Variants in DUSP14 observed in about 807,000 individuals in gnomAD.
The protein encoded by DUSP14 is dual specificity phosphatase 14, also known as dual specificity protein phosphatase 14.
A neutral mutation model predicts 13.2 loss-of-function variants in DUSP14; 5 were observed. That is an observed-to-expected ratio of 0.38 (90% CI 0.20 to 0.80). DUSP14 has a LOEUF of 0.80. DUSP14 is among the 30% of genes least tolerant of loss of function. The pLI, the probability that DUSP14 is intolerant of heterozygous loss-of-function variation, is 0.44. For missense variants in DUSP14, 185 were observed against 264.0 expected (o/e 0.70, Z 2.07); for synonymous variants, 91 against 103.4 (o/e 0.88, Z 0.73).
At chr17:37,508,349 G>A (rs757649260) in intron 1 of DUSP14, among the ~76,000 whole-genome samples, 3 of 152,232 alleles carry the variant, frequency 2.0e-5, no homozygotes, top group Non-Finnish European at 4.4e-5. Context: ...TCAGAAGCTG[G>A]GGAAAGGTCC....
chr17:37,510,237 AC>A (rs1322023651), intron 1 of DUSP14: 1 of 151,982 alleles, frequency 6.6e-6, no homozygotes, highest in Middle Eastern at 3.2e-3. Context: ...TGCTTGGCTC[AC>A]CCTTGCTGCA....
rs1194285065 is a variant in DUSP14, at chr17:37,512,328, T to C, written c.56T>C (p.Ile19Thr). 1.2e-6 allele frequency: 2 copies of C among 1,613,934 alleles called. No homozygotes were observed. The highest frequency in any genetic ancestry group is 1.7e-6 in the Non-Finnish European group (2 of 1,179,928). ...LPRTLMAPRM[I>T]SEGDIGGIAQ... ...AGGACTCTCATGGCCCCTCGGATGA[T>C]TTCCGAGGGAGACATAGGAGGCATT... The change falls in exon 3 of 3, where the codon ATT becomes ACT. Residue 19 changes from isoleucine (I) to threonine (T), a missense_variant. Ile to Thr is a moderately conservative substitution (Grantham distance 89). Coordinates refer to ENST00000617516, the MANE Select transcript of DUSP14 (RefSeq NM_007026.4). This position sits in a 1 kb window ranked among gnomAD's most constrained non-coding sequence, Gnocchi z 4.8.
At chr17:37,499,631 G>A (rs2054092408) in intron 1 of DUSP14, among the ~76,000 whole-genome samples, 2 of 152,126 alleles carry the variant, frequency 1.3e-5, no homozygotes, top group Admixed American at 1.3e-4. Context: ...CCGGGTTCAA[G>A]CGATTCTCCT....
intron 2 of DUSP14, among the ~76,000 whole-genome samples, chr17:37,511,116 A>G (rs2054181890): frequency 6.6e-6 from 1 of 152,200 alleles, no homozygotes; most frequent in Non-Finnish European, 1.5e-5. Context: ...GGAGCTCAGA[A>G]TTAAGGTGAA....
At position 37,512,366 on chromosome 17, in the gene DUSP14, T is replaced by A. The variant is rs2054195234; in HGVS notation, c.94T>A (p.Ser32Thr). The change falls in exon 3 of 3, where the codon TCC (serine) becomes ACC (threonine). Residue 32 changes from serine to threonine, a missense_variant. Physicochemically the swap from Ser to Thr is moderately conservative, Grantham distance 58 (BLOSUM62 1). Transcript: ENST00000617516. This position sits in a 1 kb window ranked among gnomAD's most constrained non-coding sequence, Gnocchi z 4.8. ...GDIGGIAQIT[S>T]SLFLGRGSVA... ...CATAGGAGGCATTGCTCAAATCACC[T>A]CCTCTCTATTCCTGGGCAGAGGCAG... The A allele has an allele frequency of 6.2e-7, 1 of 1,614,060 alleles. No homozygotes were observed. The highest frequency in any genetic ancestry group is 8.5e-7 in the Non-Finnish European group (1 of 1,179,988).
At chr17:37,491,318 ATTCACATCAGGGACAC>A (rs1234177546) in intron 1 of DUSP14, 3 of 152,248 alleles carry the variant, frequency 2.0e-5, no homozygotes, top group Admixed American at 1.3e-4. Context: ...ACGCCTGAGA[ATTCACATCAGGGACAC>A]TTCACATCAG....
Position 37,512,724 on chromosome 17 carries a change from A to T in DUSP14, c.452A>T (p.Asn151Ile). The T allele has an allele frequency of 6.2e-7, 1 of 1,614,064 alleles. No individual in the cohort carries two copies. The highest frequency in any genetic ancestry group is 8.5e-7 in the Non-Finnish European group (1 of 1,180,034). ...GCCCGGCGACCTGTCATCAGGCCCA[A>T]CGTAGGCTTCTGGAGGCAACTGATA... Reference protein sequence around the residue: ...VKARRPVIRPNVGFWRQLIDY... With the variant: ...VKARRPVIRPIVGFWRQLIDY... The change falls in exon 3 of 3, where the codon AAC (asparagine) becomes ATC (isoleucine). Residue 151 changes from asparagine to isoleucine, a missense_variant. Transcript: ENST00000617516. This position sits in a 1 kb window ranked among gnomAD's most constrained non-coding sequence, Gnocchi z 4.8.
At position 37,512,335 on chromosome 17, in the gene DUSP14, G is replaced by A; in HGVS notation, c.63G>A (p.Glu21=). The stretch of plus-strand genomic sequence containing the variant: ...TCATGGCCCCTCGGATGATTTCCGA[G>A]GGAGACATAGGAGGCATTGCTCAAA... The part of the protein sequence containing the change: ...RTLMAPRMIS[E]GDIGGIAQIT... The change falls in exon 3 of 3, where the codon GAG becomes GAA. Residue 21 remains glutamate (E), a synonymous_variant. Transcript: ENST00000617516. This position sits in a 1 kb window ranked among gnomAD's most constrained non-coding sequence, Gnocchi z 4.8. 1 of 1,614,018 alleles carries A rather than the reference G, an allele frequency of 6.2e-7. No individual in the cohort carries two copies. The highest frequency in any genetic ancestry group is 8.5e-7 in the Non-Finnish European group (1 of 1,179,970).
At chr17:37,505,616 T>C (rs2054132575) in intron 1 of DUSP14, among the ~76,000 whole-genome samples, 1 of 150,918 alleles carries the variant, frequency 6.6e-6, no homozygotes, top group Non-Finnish European at 1.5e-5. Flanking sequence ...AGTTAACTGC[T>C]GATTCTGGTG....
Position 37,513,202 on chromosome 17 carries a change from A to C in DUSP14, c.*333A>C, listed in dbSNP as rs992196495. 1 of 287,024 alleles carries C rather than the reference A, an allele frequency of 3.5e-6. No individual in the cohort carries two copies. Among genetic ancestry groups the C allele is most frequent in the Non-Finnish European group, 6.9e-6 (1 of 144,304 alleles). The allele number at this position is 287,024 out of a possible 1,614,324, so 17.8% of individuals were successfully genotyped here. Reference sequence around the variant, plus strand: ...TTGGCACCTTGGTAGGTGCAGGAGGAGCTCAGTGCAAAAATCACTTTGGGG... The same window carrying C: ...TTGGCACCTTGGTAGGTGCAGGAGGCGCTCAGTGCAAAAATCACTTTGGGG... On this transcript the variant is annotated 3_prime_UTR_variant, in exon 3 of 3. Transcript: ENST00000617516.
chr17:37,494,345 A>G (rs568996552), intron 1 of DUSP14, among the ~76,000 whole-genome samples: 1 of 152,320 alleles, frequency 6.6e-6, no homozygotes, highest in South Asian at 2.1e-4. Context: ...CTGAGAAAGT[A>G]GAAGTAGCTT....
At chr17:37,507,363 C>G (rs952714898) in intron 1 of DUSP14, among the ~76,000 whole-genome samples, 6 of 152,282 alleles carry the variant, frequency 3.9e-5, no homozygotes, top group South Asian at 2.1e-4. Context: ...CACCAAGTAC[C>G]CTAGCGCCAC....
intron 1 of DUSP14, among the ~76,000 whole-genome samples, chr17:37,507,369 G>A (rs1272233180): frequency 2.0e-5 from 3 of 152,178 alleles, no homozygotes; most frequent in Non-Finnish European, 4.4e-5. Flanking sequence ...GTACCCTAGC[G>A]CCACTCAGCA....
At chr17:37,509,135 A>ATATATGTATATATATATATG (rs1568204456) in intron 1 of DUSP14, among the ~76,000 whole-genome samples, 1 of 38,994 alleles carries the variant, frequency 2.6e-5, no homozygotes, top group African/African-American at 1.6e-4. Flanking sequence ...ATATACACAC[A>ATATATGTATATATATATATG]CACACACACA....
At chr17:37,494,420 C>T (rs1310411254) in intron 1 of DUSP14, among the ~76,000 whole-genome samples, 1 of 152,162 alleles carries the variant, frequency 6.6e-6, no homozygotes, top group African/African-American at 2.4e-5. Flanking sequence ...CAGTGTGGCT[C>T]AGGCTGGCCT....
At chr17:37,500,584 AT>A (rs1055651373) in intron 1 of DUSP14, among the ~76,000 whole-genome samples, 1 of 152,102 alleles carries the variant, frequency 6.6e-6, no homozygotes, top group Non-Finnish European at 1.5e-5. Flanking sequence ...CTGATTAGTG[AT>A]TTTTTTAAGC....
chr17:37,506,934 AC>A (rs556812212), intron 1 of DUSP14, among the ~76,000 whole-genome samples: 240 of 151,598 alleles, frequency 1.6e-3, no homozygotes, highest in African/African-American at 5.6e-3. Flanking sequence ...GCAGATCCAC[AC>A]CCCCCCGCGT....
At chr17:37,495,729 G>A (rs1376881473) in intron 1 of DUSP14, among the ~76,000 whole-genome samples, 2 of 151,630 alleles carry the variant, frequency 1.3e-5, no homozygotes, top group South Asian at 2.1e-4. Context: ...GCGCGATCTC[G>A]GCTCACTGCA....
chr17:37,492,576 G>A (rs935453970), intron 1 of DUSP14, among the ~76,000 whole-genome samples: 2 of 152,178 alleles, frequency 1.3e-5, no homozygotes, highest in Non-Finnish European at 2.9e-5. Context: ...AGAGGAAGAA[G>A]GCAAGTAAGG....
Sources: gnomAD v4.1 joint callset for allele counts (sites outside exome capture counted in the v4.1 genomes callset) on GRCh38, gnomAD v4.1.1 for gene constraint, Gnocchi (gnomAD v3.1) non-coding constraint, MANE v1.5 for transcripts, NCBI Gene and HGNC (gene_info 2026-07-23, HGNC 2026-07-21) for gene names.